NRXN3: variants seen among roughly 807,000 people sequenced by gnomAD.
NRXN3 encodes neurexin 3.
A neutral mutation model predicts 137.6 loss-of-function variants in NRXN3; 32 were observed. The ratio of observed to expected loss-of-function variants is 0.23; its 90% CI spans 0.18 to 0.31. The LOEUF (loss-of-function observed/expected upper bound fraction) is 0.31. Among genes scored for constraint, NRXN3 ranks in the 10% least tolerant of loss-of-function variants. The pLI, the probability that NRXN3 is intolerant of heterozygous loss-of-function variation, is 1.00. For synonymous variants in NRXN3, 798 were observed against 784.5 expected, an observed-to-expected ratio of 1.02 and a Z score of -0.29; for missense variants, 1,574 against 2,062.5, an observed-to-expected ratio of 0.76 and a Z score of 4.59.
intron 3 of NRXN3, among the ~76,000 whole-genome samples, chr14:78,295,258 A>G (rs911626082): frequency 3.3e-5 from 5 of 152,188 alleles, no homozygotes; most frequent in African/African-American, 1.2e-4. Flanking sequence ...ACACTGATTC[A>G]TATCCATTTT....
chr14:79,525,421 T>G (rs2097109557), intron 16 of NRXN3, among the ~76,000 whole-genome samples: 1 of 151,538 alleles, frequency 6.6e-6, no homozygotes, highest in Non-Finnish European at 1.5e-5. Context: ...CAGAATTTCC[T>G]GCAATCCGTA....
intron 15 of NRXN3, among the ~76,000 whole-genome samples, chr14:79,283,883 T>G (rs1205734944): frequency 6.6e-6 from 1 of 152,070 alleles, no homozygotes; most frequent in Non-Finnish European, 1.5e-5. Flanking sequence ...TATATATATA[T>G]GCTTCCATAT....
chr14:79,060,815 CTA>C (rs2099673323), intron 15 of NRXN3, among the ~76,000 whole-genome samples: 1 of 151,990 alleles, frequency 6.6e-6, no homozygotes, highest in African/African-American at 2.4e-5. Flanking sequence ...GCCTGTGTCT[CTA>C]TGAGTGTGTT....
chr14:79,767,537 T>C (rs2099060152), intron 19 of NRXN3, among the ~76,000 whole-genome samples: 1 of 152,226 alleles, frequency 6.6e-6, no homozygotes, highest in Non-Finnish European at 1.5e-5. Flanking sequence ...GAATGTTCCT[T>C]TCTTCCTAAT....
At chr14:79,011,990 A>G (rs1327005290) in intron 15 of NRXN3, among the ~76,000 whole-genome samples, 1 of 152,220 alleles carries the variant, frequency 6.6e-6, no homozygotes, top group Admixed American at 6.5e-5. Flanking sequence ...TTCCATTACC[A>G]TGCAAGAATT....
chr14:79,631,157 C>T (rs2098340586), intron 16 of NRXN3, among the ~76,000 whole-genome samples: 1 of 152,242 alleles, frequency 6.6e-6, no homozygotes, highest in Non-Finnish European at 1.5e-5. Context: ...AAGACAAGGT[C>T]CTTGTCCTCA....
intron 16 of NRXN3, among the ~76,000 whole-genome samples, chr14:79,574,734 G>A (rs1297452491): frequency 6.6e-6 from 1 of 152,012 alleles, no homozygotes; most frequent in Non-Finnish European, 1.5e-5. Context: ...AGCGAGTCAC[G>A]ATGTTTGGCC....
chr14:78,799,849 C>T (rs139401453), intron 8 of NRXN3, among the ~76,000 whole-genome samples: 4,504 of 152,062 alleles, frequency 0.03, 95 homozygotes, highest in Middle Eastern at 0.099. Context: ...TTATTCACTA[C>T]CATGAGAGCA....
chr14:79,448,827 A>G (rs954478330), intron 15 of NRXN3, among the ~76,000 whole-genome samples: 1 of 152,168 alleles, frequency 6.6e-6, no homozygotes, highest in East Asian at 1.9e-4. Context: ...TAAATGGGTG[A>G]ACATGTGGTT....
intron 15 of NRXN3, among the ~76,000 whole-genome samples, chr14:79,240,954 G>C (rs1056381646): frequency 6.6e-6 from 1 of 152,054 alleles, no homozygotes; most frequent in African/African-American, 2.4e-5. Context: ...CAATTTAAAA[G>C]TGTGTTTGGG....
rs899015926 is a variant in NRXN3, at chr14:79,332,229, C to T, written c.3263-134992C>T. Reference sequence around the variant, plus strand: ...AAACCGCAATGATTTTCGCACCAACCTTATACTGCTTATTGCTTTTGCCTC... The same window carrying T: ...AAACCGCAATGATTTTCGCACCAACTTTATACTGCTTATTGCTTTTGCCTC... On this transcript the variant is annotated intron_variant, in intron 15 of 20. Transcript: ENST00000335750. Among the ~76,000 whole-genome samples, 20 of 152,282 alleles carry T rather than the reference C, an allele frequency of 1.3e-4. 1 individual carries two copies. Among genetic ancestry groups the T allele is most frequent in the Middle Eastern group, 6.8e-3 (2 of 294 alleles).
At position 79,331,840 on chromosome 14, in the gene NRXN3, C is replaced by CTGTGTGTG. The variant is rs58746209; in HGVS notation, c.3263-135356_3263-135349dup. Among the ~76,000 whole-genome samples, 765 of 148,830 alleles carry CTGTGTGTG rather than the reference C, an allele frequency of 5.1e-3. 7 individuals carry two copies. Among genetic ancestry groups the CTGTGTGTG allele is most frequent in the East Asian group, 0.037 (187 of 5,018 alleles). On this transcript the variant is annotated intron_variant, in intron 15 of 20. Coordinates refer to ENST00000335750, the MANE Select transcript of NRXN3 (RefSeq NM_001330195.2). ...TTTAAAGTTTTAATTAAGGCTTTTG[C>CTGTGTGTG]TGTGTGTGTGTGTGTGTGTGTGTGT...
chr14:79,711,461 ATATT>A lies in NRXN3; in HGVS notation c.4014+13530_4014+13533del, dbSNP rs1160333615. On this transcript the variant is annotated intron_variant, in intron 19 of 20. Transcript: ENST00000335750. ...TTATTTTTAGTGTATATATGTATAT[ATATT>A]TATTTCTTATTTATTTCTTATTTAT... is the stretch of plus-strand genomic sequence containing the variant. Among the ~76,000 whole-genome samples, 4 of 151,628 alleles carry A rather than the reference ATATT, an allele frequency of 2.6e-5. No homozygotes were observed. In the South Asian group the frequency reaches 6.2e-4, roughly 24 times the overall value.
At position 78,580,936 on chromosome 14, in the gene NRXN3, T is replaced by C. The variant is rs556016732; in HGVS notation, c.758-64184T>C. On this transcript the variant is annotated intron_variant, in intron 4 of 20. Transcript: ENST00000335750. The stretch of plus-strand genomic sequence containing the variant: ...GAAAAGTTATGCTTATCCTCAATTG[T>C]TTACCATGACCCTTCCTGTCACATC... Among the ~76,000 whole-genome samples the C allele has an allele frequency of 2.9e-4, 44 of 152,322 alleles. 1 individual carries two copies. The South Asian group carries it at 9.1e-3, about 32-fold the overall frequency.
chr14:79,157,242 A>G (rs1191034148), intron 15 of NRXN3, among the ~76,000 whole-genome samples: 2 of 151,760 alleles, frequency 1.3e-5, no homozygotes, highest in Non-Finnish European at 2.9e-5. Flanking sequence ...TTGCATATTG[A>G]CATATATCTA....
chr14:78,352,375 C>T (rs2083654730), intron 4 of NRXN3, among the ~76,000 whole-genome samples: 1 of 152,184 alleles, frequency 6.6e-6, no homozygotes, highest in Admixed American at 6.5e-5. Context: ...TCTTTCCTGG[C>T]TCTTGCTCTG....
chr14:79,000,680 CA>C (rs33973904), intron 15 of NRXN3, among the ~76,000 whole-genome samples: 7,340 of 152,144 alleles, frequency 0.048, 630 homozygotes, highest in African/African-American at 0.17. Flanking sequence ...GGTTAGAGCT[CA>C]CATCAGTGCC....
chr14:78,903,462 C>T (rs2099204367), intron 10 of NRXN3, among the ~76,000 whole-genome samples: 1 of 151,914 alleles, frequency 6.6e-6, no homozygotes, highest in Non-Finnish European at 1.5e-5. Context: ...CTTTCTAGTC[C>T]AGCTTAGCAC....
intron 4 of NRXN3, among the ~76,000 whole-genome samples, chr14:78,342,462 A>G (rs1158820345): frequency 6.6e-6 from 1 of 152,212 alleles, no homozygotes; most frequent in African/African-American, 2.4e-5. Flanking sequence ...AATAATAGTT[A>G]TTATAAATAA....
Sources: allele counts gnomAD v4.1 joint callset (sites outside exome capture counted in the v4.1 genomes callset), GRCh38; gene constraint gnomAD v4.1.1; transcripts MANE v1.5; gene names NCBI Gene and HGNC (gene_info 2026-07-23, HGNC 2026-07-21).